Variants in DMD observed in about 807,000 individuals in gnomAD.
The protein encoded by DMD is mutant dystrophin.
DMD carries 63 observed loss-of-function variants against 330.1 expected under a neutral mutation model. The ratio of observed to expected loss-of-function variants is 0.19; its 90% CI spans 0.16 to 0.24. The LOEUF (loss-of-function observed/expected upper bound fraction) is 0.24, where lower values mean the gene tolerates loss of function less well. Among genes scored for constraint, DMD ranks in the 10% least tolerant of loss-of-function variants. DMD has a pLI of 1.00. For missense variants in DMD, 3,344 were observed against 2,684.1 expected (o/e 1.25, Z -5.43); for synonymous variants, 1,223 against 959.8 (o/e 1.27, Z -5.07).
chrX:32,362,614 A>G (rs1362576743), intron 37 of DMD, among the ~76,000 whole-genome samples, 174 bp downstream of exon 37: 1 of 111,012 alleles, frequency 9.0e-6, no homozygotes, highest in Non-Finnish European at 1.9e-5. Flanking sequence ...GACGGGGAGG[A>G]GTGGCGTTTA....
intron 1 of DMD, among the ~76,000 whole-genome samples, chrX:33,240,558 C>A (rs1055444156): frequency 2.7e-5 from 3 of 112,034 alleles, no homozygotes; most frequent in African/African-American, 6.5e-5. Context: ...GTGTTGATTT[C>A]ATTTCCTTTC....
chrX:32,653,788 G>A (rs1222206164), intron 9 of DMD, among the ~76,000 whole-genome samples: 4 of 111,981 alleles, frequency 3.6e-5, no homozygotes, highest in African/African-American at 9.7e-5. Flanking sequence ...TCCTATCCAT[G>A]AGCATAGAAT....
At chrX:31,744,333 T>C (rs1256201023) in intron 51 of DMD, among the ~76,000 whole-genome samples, 1 of 111,715 alleles carries the variant, frequency 9.0e-6, no homozygotes, top group Non-Finnish European at 1.9e-5. Context: ...AGCGAGCACA[T>C]GCTGTTGGAA....
intron 42 of DMD, among the ~76,000 whole-genome samples, chrX:32,299,406 T>G (rs2097512069): frequency 9.0e-6 from 1 of 110,720 alleles, no homozygotes; most frequent in Non-Finnish European, 1.9e-5. Flanking sequence ...TTATCCAACT[T>G]GATTTCCTAG....
At chrX:33,137,070 T>C (rs2095531987) in intron 1 of DMD, among the ~76,000 whole-genome samples, 1 of 111,192 alleles carries the variant, frequency 9.0e-6, no homozygotes, top group Admixed American at 9.7e-5. Flanking sequence ...ATATCCTTTC[T>C]ATAATTTTTA....
At position 31,542,603 on chromosome X, in the gene DMD, C is replaced by G. The variant is rs777248291; in HGVS notation, c.8218-35150G>C. Among the ~76,000 whole-genome samples the G allele has an allele frequency of 1.5e-4, 17 of 112,034 alleles. No individual in the cohort carries two copies. The South Asian group carries it at 6.4e-3, about 42-fold the overall frequency. On this transcript the variant is annotated intron_variant, in intron 55 of 78. Coordinates refer to ENST00000357033, the MANE Select transcript of DMD (RefSeq NM_004006.3). Reference sequence around the variant, plus strand: ...CTATTATTGTGAATTAGAAAATACTCCCACAGGTTGGAGTAAAGGGAATAC... The same window carrying G: ...CTATTATTGTGAATTAGAAAATACTGCCACAGGTTGGAGTAAAGGGAATAC...
At chrX:31,626,727 T>C (rs1434760325) in intron 55 of DMD, among the ~76,000 whole-genome samples, 1 of 112,156 alleles carries the variant, frequency 8.9e-6, no homozygotes, top group Admixed American at 9.5e-5. Context: ...CTTCTGCTTA[T>C]TATGATTTGA....
At chrX:32,822,027 C>A (rs2078302002) in intron 5 of DMD, among the ~76,000 whole-genome samples, 1 of 111,334 alleles carries the variant, frequency 9.0e-6, no homozygotes, top group Non-Finnish European at 1.9e-5. Context: ...AGAATGAGTA[C>A]ATTGATGGTC....
At chrX:32,918,273 A>G (rs1338019942) in intron 2 of DMD, among the ~76,000 whole-genome samples, 1 of 111,973 alleles carries the variant, frequency 8.9e-6, no homozygotes. Context: ...ATTTGAGTGC[A>G]TTGAAGATAA....
intron 45 of DMD, among the ~76,000 whole-genome samples, chrX:31,941,458 G>A (rs1257666001): frequency 1.8e-5 from 2 of 111,361 alleles, no homozygotes; most frequent in African/African-American, 6.5e-5. Context: ...CAATAAGCAT[G>A]TCCTCATAAG....
intron 44 of DMD, among the ~76,000 whole-genome samples, chrX:32,054,776 T>C (rs1366308254): frequency 1.9e-5 from 2 of 104,503 alleles, no homozygotes; most frequent in Non-Finnish European, 3.9e-5. Flanking sequence ...GGAAATTTAA[T>C]AGTATTATGT....
rs780269801 is a variant in DMD, at chrX:31,896,922, T to C, written c.6913-21549A>G. Among the ~76,000 whole-genome samples the C allele has an allele frequency of 4.5e-5, 5 of 111,686 alleles. No homozygotes were observed. The South Asian group carries it at 1.5e-3, about 33-fold the overall frequency. ...ACAATTTCTTTGCTTTTTTCTTTTT[T>C]TTTTCTTTTATTATTGTACTTTAAG... On this transcript the variant is annotated intron_variant, in intron 47 of 78. Coordinates refer to ENST00000357033, the MANE Select transcript of DMD (RefSeq NM_004006.3).
chrX:32,235,299 G>A (rs1008453932), intron 43 of DMD, among the ~76,000 whole-genome samples: 2 of 110,325 alleles, frequency 1.8e-5, no homozygotes, highest in Non-Finnish European at 3.8e-5. Flanking sequence ...GTTCACAATA[G>A]GGTTTGTGCT....
intron 62 of DMD, among the ~76,000 whole-genome samples, chrX:31,299,294 G>C (rs73464402): frequency 0.048 from 5,369 of 111,002 alleles, 354 homozygotes; most frequent in African/African-American, 0.17. Context: ...GAAAGCTTTA[G>C]AGTAGAACAG....
At chrX:32,977,417 G>C (rs2092584566) in intron 2 of DMD, among the ~76,000 whole-genome samples, 2 of 111,448 alleles carry the variant, frequency 1.8e-5, no homozygotes, top group African/African-American at 6.5e-5. Flanking sequence ...GTTTATTTTA[G>C]GACTGTGGCC....
At chrX:31,359,662 G>C (rs893539542) in intron 60 of DMD, among the ~76,000 whole-genome samples, 1 of 111,849 alleles carries the variant, frequency 8.9e-6, no homozygotes, top group African/African-American at 3.3e-5. Context: ...AATTTGATGA[G>C]GGCAGGACTC....
At chrX:31,944,295 T>A (rs1211777758) in intron 45 of DMD, among the ~76,000 whole-genome samples, 1 of 111,795 alleles carries the variant, frequency 8.9e-6, no homozygotes, top group East Asian at 2.8e-4. Context: ...GAAACAGATA[T>A]AAGAACCAGC....
At chrX:32,673,570 G>A (rs1207704097) in intron 9 of DMD, among the ~76,000 whole-genome samples, 1 of 111,954 alleles carries the variant, frequency 8.9e-6, no homozygotes, top group Admixed American at 9.5e-5. Flanking sequence ...ACTCCAAATC[G>A]AATGTTTGTA....
At chrX:31,487,968 C>G (rs1370796256) in intron 57 of DMD, among the ~76,000 whole-genome samples, 2 of 111,382 alleles carry the variant, frequency 1.8e-5, no homozygotes, top group Non-Finnish European at 3.8e-5. Flanking sequence ...ATGTGTTTAA[C>G]AAACTCTGTG....
Sources: gnomAD v4.1 joint callset for allele counts (sites outside exome capture counted in the v4.1 genomes callset) on GRCh38, gnomAD v4.1.1 for gene constraint, MANE v1.5 for transcripts, NCBI Gene and HGNC (gene_info 2026-07-23, HGNC 2026-07-21) for gene names.